The following DNAJC24 variants were observed in gnomAD, a reference collection of about 807,000 sequenced individuals.
DNAJC24 encodes dnaJ homolog subfamily C member 24.
DNAJC24 carries 17 observed loss-of-function variants against 18.0 expected under a neutral mutation model. The observed-to-expected ratio is 0.94, with a 90% confidence interval of 0.65 to 1.42. The LOEUF is 1.42. Ranked by LOEUF, DNAJC24 falls within the 40% of genes most tolerant of loss-of-function variation. The pLI, the probability that DNAJC24 is intolerant of heterozygous loss-of-function variation, is 0.00. For synonymous variants in DNAJC24, 55 were observed against 57.7 expected (o/e 0.95, Z 0.21); for missense variants, 158 against 175.6 (o/e 0.90, Z 0.57).
chr11:31,378,219 G>A (rs1393933247), intron 2 of DNAJC24, among the ~76,000 whole-genome samples: 1 of 152,048 alleles, frequency 6.6e-6, no homozygotes, highest in East Asian at 1.9e-4. Context: ...TAGGAGTGTT[G>A]TAAGTAAAAA....
At chr11:31,385,764 T>C (rs1054449071) in intron 2 of DNAJC24, among the ~76,000 whole-genome samples, 3 of 152,162 alleles carry the variant, frequency 2.0e-5, no homozygotes, top group African/African-American at 7.2e-5. Context: ...CAGAGCAAGA[T>C]GGCCGAATAG....
chr11:31,377,800 A>G (rs1456842489), intron 2 of DNAJC24, among the ~76,000 whole-genome samples: 1 of 152,094 alleles, frequency 6.6e-6, no homozygotes, highest in African/African-American at 2.4e-5. Flanking sequence ...CTCAGTTGGA[A>G]AAGAGTTATT....
chr11:31,404,501 A>C (rs1322803038), intron 2 of DNAJC24, among the ~76,000 whole-genome samples: 1 of 152,214 alleles, frequency 6.6e-6, no homozygotes, highest in Non-Finnish European at 1.5e-5. Context: ...GGAAAGCAGC[A>C]GACCCCAGAG....
At chr11:31,423,305 G>A (rs1952827200) in intron 3 of DNAJC24, among the ~76,000 whole-genome samples, 1 of 152,162 alleles carries the variant, frequency 6.6e-6, no homozygotes, top group African/African-American at 2.4e-5. Flanking sequence ...CTGTCACCCA[G>A]GCTGGAGTGC....
At chr11:31,380,946 T>G (rs1285493268) in intron 2 of DNAJC24, among the ~76,000 whole-genome samples, 1 of 152,128 alleles carries the variant, frequency 6.6e-6, no homozygotes, top group Non-Finnish European at 1.5e-5. Context: ...AGAGATTAAT[T>G]TATCCCTTCA....
At chr11:31,394,813 A>G (rs1952529761) in intron 2 of DNAJC24, among the ~76,000 whole-genome samples, 1 of 152,186 alleles carries the variant, frequency 6.6e-6, no homozygotes, top group Non-Finnish European at 1.5e-5. Flanking sequence ...ATCAAAAGAA[A>G]GCAGAAGGGA....
chr11:31,391,588 A>G (rs986610049), intron 2 of DNAJC24, among the ~76,000 whole-genome samples: 2 of 152,232 alleles, frequency 1.3e-5, no homozygotes, highest in African/African-American at 4.8e-5. Context: ...AATGGCTTCT[A>G]TTAAAAAGAC....
In DNAJC24 at chr11:31,374,933, C is replaced by T. The variant is rs571183850; in HGVS notation, c.111+4074C>T. ...CCTGTTCTTTTGCCTGTTTTTTTCT[C>T]TTCTCTCCTGTTTGTTCTTACACAT... On this transcript the variant is annotated intron_variant, in intron 2 of 4. Transcript: ENST00000465995. 8.7e-4 allele frequency among the ~76,000 whole-genome samples: 117 copies of T among 134,504 alleles called. 3 individuals carry two copies. The highest frequency in any genetic ancestry group is 2.8e-3 in the African/African-American group (114 of 40,204). 88.2% of individuals were successfully genotyped at this position (134,504 alleles called of 152,430 possible). A position where few individuals can be genotyped will look rare whatever the true frequency, so the allele number is the denominator to read the frequency against.
intron 2 of DNAJC24, among the ~76,000 whole-genome samples, chr11:31,411,630 C>G (rs1415810068): frequency 6.6e-6 from 1 of 152,216 alleles, no homozygotes; most frequent in East Asian, 1.9e-4. Flanking sequence ...ATCTCTCTCT[C>G]TCCACTGTCT....
At chr11:31,388,290 C>T (rs562496772) in intron 2 of DNAJC24, among the ~76,000 whole-genome samples, 192 of 151,906 alleles carry the variant, frequency 1.3e-3, no homozygotes, top group Middle Eastern at 3.4e-3. Context: ...CAGATTTAAC[C>T]GAAATAAGAC....
chr11:31,417,159 C>T (rs911715988), intron 3 of DNAJC24: 11 of 148,084 alleles, frequency 7.4e-5, no homozygotes, highest in Non-Finnish European at 1.2e-4. Flanking sequence ...GATTTAAGTA[C>T]TAAGTATTGC....
chr11:31,381,155 G>C (rs1429117523), intron 2 of DNAJC24, among the ~76,000 whole-genome samples: 4 of 152,250 alleles, frequency 2.6e-5, no homozygotes, highest in African/African-American at 9.6e-5. Flanking sequence ...CATACCTCTT[G>C]AGACATGAAG....
At chr11:31,420,215 T>C (rs1439246951) in intron 3 of DNAJC24, among the ~76,000 whole-genome samples, 2 of 152,036 alleles carry the variant, frequency 1.3e-5, no homozygotes, top group East Asian at 3.9e-4. Context: ...CAGACACACG[T>C]CTGTTTATAC....
chr11:31,394,064 C>T lies in DNAJC24; in HGVS notation c.112-20747C>T, dbSNP rs545492619. On this transcript the variant is annotated intron_variant, in intron 2 of 4. Coordinates refer to ENST00000465995, the MANE Select transcript of DNAJC24 (RefSeq NM_181706.5). ...TTAACATTAAACTTAGGGCCAACAG[C>T]ACTGTAACTCATGCCTGAGTGACAC... Among the ~76,000 whole-genome samples the T allele has an allele frequency of 7.2e-5, 11 of 152,280 alleles. 1 individual carries two copies. In the South Asian group the frequency reaches 2.3e-3, roughly 32 times the overall value.
chr11:31,388,328 C>T (rs1345548991), intron 2 of DNAJC24, among the ~76,000 whole-genome samples: 1 of 152,022 alleles, frequency 6.6e-6, no homozygotes. Flanking sequence ...TAATCAGATT[C>T]CCAAAGGTCA....
At chr11:31,379,868 C>T (rs554620002) in intron 2 of DNAJC24, among the ~76,000 whole-genome samples, 1 of 152,130 alleles carries the variant, frequency 6.6e-6, no homozygotes, top group Non-Finnish European at 1.5e-5. Context: ...AGCGATTCTC[C>T]TCCCTCAGCC....
intron 2 of DNAJC24, among the ~76,000 whole-genome samples, chr11:31,404,256 C>T (rs1289229559): frequency 6.6e-6 from 1 of 152,128 alleles, no homozygotes; most frequent in East Asian, 1.9e-4. Flanking sequence ...GGAATGCAGC[C>T]CAGTAGGTCT....
At chr11:31,425,122 G>A (rs941637013) in intron 3 of DNAJC24, among the ~76,000 whole-genome samples, 1 of 152,104 alleles carries the variant, frequency 6.6e-6, no homozygotes, top group Non-Finnish European at 1.5e-5. Flanking sequence ...GAGAGTAGAT[G>A]CTCCTGTTAC....
intron 1 of DNAJC24, among the ~76,000 whole-genome samples, chr11:31,370,303 G>A (rs1212773097): frequency 6.6e-6 from 1 of 152,004 alleles, no homozygotes; most frequent in Non-Finnish European, 1.5e-5. Flanking sequence ...TTAATTCTTT[G>A]ATGTTCTGTT....
Sources: allele counts gnomAD v4.1 joint callset (sites outside exome capture counted in the v4.1 genomes callset), GRCh38; gene constraint gnomAD v4.1.1; transcripts MANE v1.5; gene names NCBI Gene and HGNC (gene_info 2026-07-23, HGNC 2026-07-21).